UNC5D: variants seen among roughly 807,000 people sequenced by gnomAD.
UNC5D encodes the protein netrin receptor UNC5D.
A neutral mutation model predicts 105.4 loss-of-function variants in UNC5D; 39 were observed. The ratio of observed to expected loss-of-function variants is 0.37; its 90% confidence interval spans 0.29 to 0.48. The LOEUF is 0.48. Ranked by LOEUF, UNC5D falls within the 20% of genes least tolerant of loss-of-function variation. The pLI, the probability that UNC5D is intolerant of heterozygous loss-of-function variation, is 0.98. For synonymous variants in UNC5D, 452 were observed against 450.4 expected, an observed-to-expected ratio of 1.00 and a Z score of -0.04; for missense variants, 991 against 1,202.4, an observed-to-expected ratio of 0.82 and a Z score of 2.60.
At chr8:35,501,028 G>A (rs1490256372) in intron 1 of UNC5D, among the ~76,000 whole-genome samples, 2 of 152,164 alleles carry the variant, frequency 1.3e-5, no homozygotes, top group African/African-American at 2.4e-5. Flanking sequence ...GAGGTCAGGG[G>A]ACATGTCTGA....
At chr8:35,730,880 C>T in intron 10 of UNC5D, 132 bp from the exon 11 acceptor site, 1 of 722,384 alleles carries the variant, frequency 1.4e-6, no homozygotes, top group East Asian at 2.8e-5. Flanking sequence ...CTTAAACTTT[C>T]CAAGGATTGA....
chr8:35,580,384 T>A (rs1453103512), intron 3 of UNC5D, among the ~76,000 whole-genome samples: 17 of 151,968 alleles, frequency 1.1e-4, no homozygotes. Flanking sequence ...TAGCTACATT[T>A]TTTTCTGTAC....
chr8:35,790,694 T>C lies in UNC5D; in HGVS notation c.*131T>C. On this transcript the variant is annotated 3_prime_UTR_variant, in exon 17 of 17. Transcript: ENST00000404895. ...ATTTATAATCAGTGAGATTCCCCTGTTGAAGAAACTAAATTTTATATAGGT... is the reference window on the plus strand; with the variant it reads ...ATTTATAATCAGTGAGATTCCCCTGCTGAAGAAACTAAATTTTATATAGGT... 1 of 951,656 alleles carries C rather than the reference T, an allele frequency of 1.1e-6. No homozygotes were observed. Among genetic ancestry groups the C allele is most frequent in the Non-Finnish European group, 1.6e-6 (1 of 635,788 alleles). 59.0% of individuals were successfully genotyped at this position (951,656 alleles called of 1,614,324 possible).
intron 1 of UNC5D, among the ~76,000 whole-genome samples, chr8:35,458,055 G>C (rs1446932579): frequency 6.6e-6 from 1 of 152,124 alleles, no homozygotes; most frequent in African/African-American, 2.4e-5. Flanking sequence ...GTAGTGGACT[G>C]AGAGTCTATC....
intron 1 of UNC5D, among the ~76,000 whole-genome samples, chr8:35,547,739 G>A (rs1452458279): frequency 6.6e-6 from 1 of 152,240 alleles, no homozygotes; most frequent in Non-Finnish European, 1.5e-5. Flanking sequence ...CAGGTCACAA[G>A]ATGCAGCCCT....
chr8:35,553,451 G>A (rs917161686), intron 2 of UNC5D, among the ~76,000 whole-genome samples: 4 of 151,918 alleles, frequency 2.6e-5, no homozygotes, highest in African/African-American at 9.7e-5. Flanking sequence ...ATTATATACC[G>A]ATTTTTAAAA....
intron 1 of UNC5D, among the ~76,000 whole-genome samples, chr8:35,365,528 CT>C (rs1428688775): frequency 1.4e-5 from 2 of 140,922 alleles, no homozygotes; most frequent in Non-Finnish European, 3.0e-5. Flanking sequence ...TTCCCTACCC[CT>C]GTTTTTGTCC....
chr8:35,397,341 A>G (rs562462729), intron 1 of UNC5D, among the ~76,000 whole-genome samples: 5 of 152,344 alleles, frequency 3.3e-5, no homozygotes, highest in Non-Finnish European at 7.3e-5. Context: ...AGGCAGAGTG[A>G]GCCATGCTTA....
chr8:35,277,359 G>T (rs1242591273), intron 1 of UNC5D, among the ~76,000 whole-genome samples: 1 of 152,162 alleles, frequency 6.6e-6, no homozygotes, highest in Non-Finnish European at 1.5e-5. Context: ...TACATGGATT[G>T]TGCATTTTTG....
intron 1 of UNC5D, among the ~76,000 whole-genome samples, chr8:35,291,843 G>T (rs1807089395): frequency 6.6e-6 from 1 of 152,212 alleles, no homozygotes; most frequent in Non-Finnish European, 1.5e-5. Flanking sequence ...AGTCTAACCA[G>T]GTGATTATTT....
chr8:35,590,095 G>C (rs1819068590), intron 3 of UNC5D, among the ~76,000 whole-genome samples: 1 of 151,944 alleles, frequency 6.6e-6, no homozygotes, highest in South Asian at 2.1e-4. Context: ...ATTTTTATTA[G>C]CCACTTGTAT....
In UNC5D at chr8:35,264,244, C is replaced by T. The variant is rs189998224; in HGVS notation, c.103+28357C>T. Among the ~76,000 whole-genome samples, 323 of 152,276 alleles carry T rather than the reference C, an allele frequency of 2.1e-3. 2 individuals are homozygous for T. The highest frequency in any genetic ancestry group is 7.1e-3 in the African/African-American group (296 of 41,560). On this transcript the variant is annotated intron_variant, in intron 1 of 16. Coordinates refer to ENST00000404895, the MANE Select transcript of UNC5D (RefSeq NM_080872.4). ...TTGCTCAGGCACTGCAGATGTTCTA[C>T]GTGCAAATGAATAGAGTGGTTAAAT... is the stretch of plus-strand genomic sequence containing the variant.
intron 1 of UNC5D, among the ~76,000 whole-genome samples, chr8:35,508,563 C>A (rs991960510): frequency 2.0e-5 from 3 of 152,176 alleles, no homozygotes; most frequent in African/African-American, 7.2e-5. Flanking sequence ...TCTAAAAAGA[C>A]AAATTGTACA....
chr8:35,511,726 G>A (rs758435037), intron 1 of UNC5D, among the ~76,000 whole-genome samples: 1 of 147,978 alleles, frequency 6.8e-6, no homozygotes, highest in Non-Finnish European at 1.5e-5. Context: ...AATAGCTGAT[G>A]AGCTAAAAAA....
At chr8:35,544,749 T>C (rs1339152681) in intron 1 of UNC5D, among the ~76,000 whole-genome samples, 1 of 151,880 alleles carries the variant, frequency 6.6e-6, no homozygotes, top group Non-Finnish European at 1.5e-5. Flanking sequence ...ATTACAGGCA[T>C]GTGCCACCAC....
chr8:35,505,291 C>T (rs927055610), intron 1 of UNC5D, among the ~76,000 whole-genome samples: 9 of 152,042 alleles, frequency 5.9e-5, no homozygotes, highest in African/African-American at 2.2e-4. Context: ...CAAAATTATC[C>T]CAAAATAAAT....
At chr8:35,601,444 T>G (rs1819879072) in intron 4 of UNC5D, among the ~76,000 whole-genome samples, 3 of 152,234 alleles carry the variant, frequency 2.0e-5, no homozygotes, top group Admixed American at 6.5e-5. Flanking sequence ...TGGAATGTTC[T>G]TCCATTTGTT....
Position 35,722,197 on chromosome 8 carries a change from T to C in UNC5D, c.1118-13T>C. The C allele has an allele frequency of 6.2e-7, 1 of 1,611,346 alleles. No homozygotes were observed. The highest frequency in any genetic ancestry group is 1.1e-5 in the South Asian group (1 of 90,670). ...CCATGCTGGTCACTTACAATTTCTC[T>C]TGTGTCTTTCAGGCATTGAGAATGC... On this transcript the variant is annotated splice_polypyrimidine_tract_variant and intron_variant, in intron 8 of 16. Transcript: ENST00000404895.
chr8:35,270,627 C>T (rs1202668008), intron 1 of UNC5D, among the ~76,000 whole-genome samples: 5 of 152,132 alleles, frequency 3.3e-5, no homozygotes. Flanking sequence ...ATGTTTGGTG[C>T]AGTTTAGTAT....
Sources: gnomAD v4.1 joint callset for allele counts (sites outside exome capture counted in the v4.1 genomes callset) on GRCh38, gnomAD v4.1.1 for gene constraint, MANE v1.5 for transcripts, NCBI Gene and HGNC (gene_info 2026-07-23, HGNC 2026-07-21) for gene names.